SLC15A1: variants seen among roughly 807,000 people sequenced by gnomAD.
SLC15A1 encodes the protein solute carrier family 15 member 1, also known as Caco-2 oligopeptide transporter.
In SLC15A1, 83 loss-of-function variants were observed where a neutral mutation model predicts 92.9. The ratio of observed to expected loss-of-function variants is 0.89; its 90% CI spans 0.75 to 1.07. The LOEUF (loss-of-function observed/expected upper bound fraction) is 1.07. Among genes scored for constraint, SLC15A1 ranks in the 50% least tolerant of loss-of-function variants. The pLI is 0.00. For missense variants in SLC15A1, 857 were observed against 880.1 expected (o/e 0.97, Z 0.33); for synonymous variants, 322 against 318.2 (o/e 1.01, Z -0.13).
chr13:98,711,372 G>T (rs1304454576), intron 11 of SLC15A1, among the ~76,000 whole-genome samples: 1 of 152,174 alleles, frequency 6.6e-6, no homozygotes, highest in Non-Finnish European at 1.5e-5. Flanking sequence ...CTGCCAGGTT[G>T]TAGGTCCCTG....
At chr13:98,734,552 G>A (rs2088375227) in intron 1 of SLC15A1, among the ~76,000 whole-genome samples, 1 of 152,104 alleles carries the variant, frequency 6.6e-6, no homozygotes, top group Admixed American at 6.6e-5. Flanking sequence ...ACTGTACCAG[G>A]AAAAGTGGGA....
rs777269835 is a variant in SLC15A1 at position 98,726,469 on chromosome 13, C to T, written c.22-20G>A. On this transcript the variant is annotated intron_variant, in intron 2 of 22. Coordinates refer to ENST00000376503, the MANE Select transcript of SLC15A1 (RefSeq NM_005073.4). ...GAAACTCTGACAAAAAAGAAACAAG[C>T]ACAGGATTGAAATACACCCCCCACT... is the stretch of plus-strand genomic sequence containing the variant. The T allele has an allele frequency of 1.9e-6, 3 of 1,609,876 alleles. No homozygotes were observed. Among genetic ancestry groups the T allele is most frequent in the African/African-American group, 1.3e-5 (1 of 74,832 alleles).
Position 98,715,873 on chromosome 13 carries a change from C to T in SLC15A1, c.723+5G>A. ...GCCTTGAGAAAGAGCAGCTGAGATACTTACACCGATGCACTTGGCCACTTT... is the reference window on the plus strand; with the variant it reads ...GCCTTGAGAAAGAGCAGCTGAGATATTTACACCGATGCACTTGGCCACTTT... On this transcript the variant is annotated splice_donor_5th_base_variant and intron_variant, in intron 9 of 22. Coordinates refer to ENST00000376503, the MANE Select transcript of SLC15A1 (RefSeq NM_005073.4). 1 of 1,613,014 alleles carries T rather than the reference C, an allele frequency of 6.2e-7. No individual in the cohort carries two copies.
intron 1 of SLC15A1, among the ~76,000 whole-genome samples, chr13:98,744,350 T>TG (rs1363841285): frequency 6.6e-6 from 1 of 151,912 alleles, no homozygotes; most frequent in Non-Finnish European, 1.5e-5. Flanking sequence ...ACTTTTTTTT[T>TG]TTTTAATGGT....
At chr13:98,731,389 G>A (rs2088349389) in intron 1 of SLC15A1, among the ~76,000 whole-genome samples, 1 of 152,232 alleles carries the variant, frequency 6.6e-6, no homozygotes, top group Admixed American at 6.5e-5. Flanking sequence ...AAGCGTCATT[G>A]CTGTAGTGCC....
intron 14 of SLC15A1, 21 bp from the exon 15 acceptor site, chr13:98,708,788 T>G (rs1188019311): frequency 3.1e-6 from 5 of 1,593,104 alleles, no homozygotes; most frequent in Non-Finnish European, 4.3e-6. Flanking sequence ...AAGAGAAGAG[T>G]GACTCTCAAC....
At chr13:98,708,288 C>A (rs1399318145) in intron 15 of SLC15A1, among the ~76,000 whole-genome samples, 1 of 152,094 alleles carries the variant, frequency 6.6e-6, no homozygotes, top group Non-Finnish European at 1.5e-5. Context: ...ACTGAGAAAC[C>A]AATCCTTTTT....
chr13:98,752,182 C>A (rs2088551995), intron 1 of SLC15A1, among the ~76,000 whole-genome samples: 1 of 152,246 alleles, frequency 6.6e-6, no homozygotes, highest in Non-Finnish European at 1.5e-5. Flanking sequence ...CCAGGGTCAC[C>A]TCGCCAGCCA....
intron 18 of SLC15A1, among the ~76,000 whole-genome samples, chr13:98,692,242 C>G (rs996165830): frequency 1.4e-5 from 2 of 141,686 alleles, no homozygotes; most frequent in African/African-American, 5.1e-5. Context: ...CAGCCTTGAA[C>G]TCCTGGGCTC....
At chr13:98,685,558 T>C (rs998796865) in intron 22 of SLC15A1, among the ~76,000 whole-genome samples, 47 of 152,238 alleles carry the variant, frequency 3.1e-4, no homozygotes, top group African/African-American at 1.1e-3. Flanking sequence ...TGTGTCTGCT[T>C]TGCAGCTGCT....
intron 18 of SLC15A1, among the ~76,000 whole-genome samples, chr13:98,701,473 TA>T (rs1320029019): frequency 6.6e-6 from 1 of 151,768 alleles, no homozygotes; most frequent in Non-Finnish European, 1.5e-5. Flanking sequence ...TTGTCATCTA[TA>T]AAGTAGAAAT....
In SLC15A1 at chr13:98,688,511, G is replaced by A. The variant is rs771918050; in HGVS notation, c.1533C>T (p.Ser511=). 1 of 1,613,956 alleles carries A rather than the reference G, an allele frequency of 6.2e-7. No individual in the cohort carries two copies. Among genetic ancestry groups the A allele is most frequent in the East Asian group, 2.2e-5 (1 of 44,870 alleles). ...TMSGKVYANI[S]SYNASTYQFF... is the part of the protein sequence containing the mutation. ...ACTGGTATGTGCTGGCATTGTAGCT[G>A]CTGATGTTTGCATAAACTTTCCCAC... Residue 511 remains serine (S), a synonymous_variant, in exon 19 of 23, where the codon AGC becomes AGT. Coordinates refer to ENST00000376503, the MANE Select transcript of SLC15A1 (RefSeq NM_005073.4).
At chr13:98,742,538 G>A (rs2088456972) in intron 1 of SLC15A1, among the ~76,000 whole-genome samples, 1 of 152,176 alleles carries the variant, frequency 6.6e-6, no homozygotes. Flanking sequence ...CTTACAACAT[G>A]GAAATGTGGC....
At chr13:98,719,807 C>T (rs2139590278) in intron 7 of SLC15A1, among the ~76,000 whole-genome samples, 1 of 152,318 alleles carries the variant, frequency 6.6e-6, no homozygotes, top group South Asian at 2.1e-4. Flanking sequence ...TCTCTGTCAA[C>T]TACTTAACCC....
intron 8 of SLC15A1, among the ~76,000 whole-genome samples, chr13:98,718,898 C>T (rs985254888): frequency 6.6e-6 from 1 of 152,188 alleles, no homozygotes; most frequent in Admixed American, 6.5e-5. Context: ...AGGGATCCCC[C>T]TGCCTTGGCC....
chr13:98,747,028 GC>G (rs993452975), intron 1 of SLC15A1, among the ~76,000 whole-genome samples: 73 of 151,702 alleles, frequency 4.8e-4, no homozygotes, highest in African/African-American at 1.6e-3. Context: ...AAGAGGTGTG[GC>G]CCCCCCCACC....
At chr13:98,729,566 C>T (rs183758600) in intron 1 of SLC15A1, among the ~76,000 whole-genome samples, 5 of 152,338 alleles carry the variant, frequency 3.3e-5, no homozygotes, top group Admixed American at 3.3e-4. Context: ...AGAAAGACCA[C>T]GCCAGCTATC....
chr13:98,712,389 G>A (rs1178293814), intron 10 of SLC15A1, 109 bp downstream of exon 10: 4 of 818,964 alleles, frequency 4.9e-6, no homozygotes, highest in East Asian at 2.5e-5. Flanking sequence ...GTAAAGGTTA[G>A]GAAGGTATCA....
chr13:98,749,733 C>T (rs938771223), intron 1 of SLC15A1, among the ~76,000 whole-genome samples: 78 of 152,198 alleles, frequency 5.1e-4, no homozygotes, highest in African/African-American at 1.8e-3. Context: ...AACTATGGCT[C>T]ATGGGCTACA....
Sources: allele counts gnomAD v4.1 joint callset (sites outside exome capture counted in the v4.1 genomes callset), GRCh38; gene constraint gnomAD v4.1.1; transcripts MANE v1.5; gene names NCBI Gene and HGNC (gene_info 2026-07-23, HGNC 2026-07-21).